Variants in BBX observed in about 807,000 individuals in gnomAD.
The protein encoded by BBX is HMG box transcription factor BBX.
Under a neutral mutation model 100.2 loss-of-function variants are expected in BBX, and 30 were observed. The ratio of observed to expected loss-of-function variants is 0.30; its 90% CI spans 0.22 to 0.41. BBX has a LOEUF of 0.41. Among genes scored for constraint, BBX ranks in the 10% least tolerant of loss-of-function variants. BBX has a pLI of 1.00. For synonymous variants in BBX, 376 were observed against 388.1 expected (o/e 0.97, Z 0.37); for missense variants, 1,023 against 1,129.8 (o/e 0.91, Z 1.35).
intron 2 of BBX, among the ~76,000 whole-genome samples, chr3:107,547,440 A>G (rs1341684287): frequency 2.0e-5 from 3 of 152,148 alleles, no homozygotes; most frequent in Non-Finnish European, 4.4e-5. Flanking sequence ...GCATTCATGA[A>G]TGAATGAAAT....
In BBX at chr3:107,695,002, T is replaced by A. The variant is rs1274792258; in HGVS notation, c.-9-15450T>A. ...TTGTGTAGAGGTGTTTGTAGTATTCTCTGATGGTAGTTTGTATTTCTGTGG... is the reference window on the plus strand; with the variant it reads ...TTGTGTAGAGGTGTTTGTAGTATTCACTGATGGTAGTTTGTATTTCTGTGG... On this transcript the variant is annotated intron_variant, in intron 3 of 17. Transcript: ENST00000325805. Among the ~76,000 whole-genome samples, 4 of 151,424 alleles carry A rather than the reference T, an allele frequency of 2.6e-5. No homozygotes were observed. The East Asian group carries it at 7.7e-4, about 29-fold the overall frequency.
At chr3:107,625,704 C>A (rs2056117081) in intron 2 of BBX, among the ~76,000 whole-genome samples, 1 of 152,076 alleles carries the variant, frequency 6.6e-6, no homozygotes, top group Admixed American at 6.6e-5. Flanking sequence ...TTTGTTCTGG[C>A]CTTTTGGACA....
chr3:107,706,315 G>A (rs958263240), intron 3 of BBX, among the ~76,000 whole-genome samples: 3 of 152,016 alleles, frequency 2.0e-5, no homozygotes, highest in Non-Finnish European at 4.4e-5. Flanking sequence ...GAGCCACCAC[G>A]CCCGGTTTGG....
intron 2 of BBX, among the ~76,000 whole-genome samples, chr3:107,538,367 A>G (rs1480186448): frequency 6.6e-6 from 1 of 152,210 alleles, no homozygotes; most frequent in Non-Finnish European, 1.5e-5. Flanking sequence ...TTTACTGCAT[A>G]AGGAACTGTG....
chr3:107,790,977 A>G (rs1349298087), intron 14 of BBX, among the ~76,000 whole-genome samples: 1 of 152,184 alleles, frequency 6.6e-6, no homozygotes, highest in Non-Finnish European at 1.5e-5. Flanking sequence ...ACTGATCTTC[A>G]GATTACTTTG....
chr3:107,724,932 C>T (rs186289428), intron 5 of BBX, among the ~76,000 whole-genome samples: 2 of 152,176 alleles, frequency 1.3e-5, no homozygotes, highest in African/African-American at 2.4e-5. Context: ...TAGTTTTTTC[C>T]AATTCTGTGA....
At chr3:107,733,082 T>A in intron 7 of BBX, 59 bp downstream of exon 7, 1 of 1,456,548 alleles carries the variant, frequency 6.9e-7, no homozygotes, top group Non-Finnish European at 9.5e-7. Context: ...AACACAGTTA[T>A]AGTCTGTTTA....
intron 12 of BBX, among the ~76,000 whole-genome samples, chr3:107,775,530 T>C (rs1250625393): frequency 6.6e-6 from 1 of 152,198 alleles, no homozygotes; most frequent in Non-Finnish European, 1.5e-5. Context: ...GTGAGGAAAG[T>C]ATCTGCATAT....
chr3:107,696,829 G>A (rs2060642110), intron 3 of BBX, among the ~76,000 whole-genome samples: 1 of 151,316 alleles, frequency 6.6e-6, no homozygotes, highest in Non-Finnish European at 1.5e-5. Context: ...TCACTTTCAG[G>A]TACACCAATC....
At chr3:107,716,979 A>C in intron 5 of BBX, 130 bp downstream of exon 5, 1 of 1,174,480 alleles carries the variant, frequency 8.5e-7, no homozygotes, top group Non-Finnish European at 1.2e-6. Context: ...TGTTAAGTAA[A>C]AACATAACCG....
At chr3:107,604,085 A>T (rs569028192) in intron 2 of BBX, among the ~76,000 whole-genome samples, 1 of 152,108 alleles carries the variant, frequency 6.6e-6, no homozygotes, top group African/African-American at 2.4e-5. Flanking sequence ...GAAGTTTTTA[A>T]TTCCTCCCAT....
At chr3:107,605,426 A>G (rs912178920) in intron 2 of BBX, among the ~76,000 whole-genome samples, 3 of 152,130 alleles carry the variant, frequency 2.0e-5, no homozygotes, top group South Asian at 2.1e-4. Context: ...GCATTTTAAC[A>G]TATAGCCCAG....
chr3:107,765,274 C>A (rs529048342), intron 10 of BBX, among the ~76,000 whole-genome samples: 1 of 152,240 alleles, frequency 6.6e-6, no homozygotes, highest in Admixed American at 6.5e-5. Flanking sequence ...CTCATTGAAC[C>A]TCACAGTTTT....
intron 2 of BBX, among the ~76,000 whole-genome samples, chr3:107,558,995 T>C (rs933403103): frequency 3.3e-5 from 5 of 152,228 alleles, no homozygotes; most frequent in Admixed American, 2.0e-4. Context: ...TGTGAGAGGC[T>C]TTTTAGGCAG....
At chr3:107,706,139 C>T (rs570354580) in intron 3 of BBX, among the ~76,000 whole-genome samples, 1 of 151,896 alleles carries the variant, frequency 6.6e-6, no homozygotes, top group South Asian at 2.1e-4. Context: ...TCTCCTGCCC[C>T]AGCCTCGCGA....
At chr3:107,709,338 G>A (rs201870726) in intron 3 of BBX, among the ~76,000 whole-genome samples, 1 of 152,078 alleles carries the variant, frequency 6.6e-6, no homozygotes, top group Non-Finnish European at 1.5e-5. Context: ...TTCTCTGAAC[G>A]GCTTGAGAAC....
chr3:107,659,268 A>G (rs2058314616), intron 3 of BBX, among the ~76,000 whole-genome samples: 1 of 151,874 alleles, frequency 6.6e-6, no homozygotes, highest in Non-Finnish European at 1.5e-5. Context: ...CATATCTGTC[A>G]TCTTTTCATC....
chr3:107,788,054 A>G (rs1054376706), intron 13 of BBX, among the ~76,000 whole-genome samples: 4 of 152,168 alleles, frequency 2.6e-5, no homozygotes, highest in Non-Finnish European at 5.9e-5. Context: ...TATACACCCA[A>G]TATAAGAGGT....
At chr3:107,692,054 G>T (rs2060204984) in intron 3 of BBX, among the ~76,000 whole-genome samples, 1 of 152,026 alleles carries the variant, frequency 6.6e-6, no homozygotes, top group Admixed American at 6.6e-5. Flanking sequence ...TAAGGAAAAA[G>T]ATTTCCAATC....
Sources: allele counts gnomAD v4.1 joint callset (sites outside exome capture counted in the v4.1 genomes callset), GRCh38; gene constraint gnomAD v4.1.1; transcripts MANE v1.5; gene names NCBI Gene and HGNC (gene_info 2026-07-23, HGNC 2026-07-21).